LAMA2: variants seen among roughly 807,000 people sequenced by gnomAD.
LAMA2 encodes the protein laminin subunit alpha 2.
Under a neutral mutation model 364.8 loss-of-function variants are expected in LAMA2, and 269 were observed. The ratio of observed to expected loss-of-function variants is 0.74; its 90% CI spans 0.67 to 0.82. The LOEUF is 0.82. Among genes scored for constraint, LAMA2 ranks in the 40% least tolerant of loss-of-function variants. The pLI, the probability that LAMA2 is intolerant of heterozygous loss-of-function variation, is 0.00. For missense variants in LAMA2, 3,807 were observed against 3,873.2 expected (o/e 0.98, Z 0.45); for synonymous variants, 1,379 against 1,370.6 (o/e 1.01, Z -0.14).
At chr6:129,397,991 G>T (rs1345621297) in intron 37 of LAMA2, among the ~76,000 whole-genome samples, 1 of 150,202 alleles carries the variant, frequency 6.7e-6, no homozygotes, top group African/African-American at 2.5e-5. Flanking sequence ...CATCATTTCT[G>T]ATTGAGTATG....
chr6:129,393,404 G>C (rs1779432163), intron 37 of LAMA2, 149 bp downstream of exon 37: 6 of 671,578 alleles, frequency 8.9e-6, no homozygotes, highest in Non-Finnish European at 1.6e-5. Context: ...AACAGAACAA[G>C]AAATGACTTT....
chr6:129,224,967 C>CT (rs1784143957), intron 12 of LAMA2, among the ~76,000 whole-genome samples: 1 of 151,926 alleles, frequency 6.6e-6, no homozygotes, highest in African/African-American at 2.4e-5. Flanking sequence ...TGGTCCTGGA[C>CT]TTTTTTTGGT....
chr6:128,883,206 C>A lies in LAMA2; in HGVS notation c.-40C>A. 1.3e-6 allele frequency: 2 copies of A among 1,542,532 alleles called. No individual in the cohort carries two copies. The highest frequency in any genetic ancestry group is 1.7e-6 in the Non-Finnish European group (2 of 1,144,126). ...CCAGGGGACAGGGCGGCAGCGACTC[C>A]TCTGGCTCCCGAGAAGTGGATCCGG... On this transcript the variant is annotated 5_prime_UTR_variant, in exon 1 of 65. Coordinates refer to ENST00000421865, the MANE Select transcript of LAMA2 (RefSeq NM_000426.4).
chr6:129,441,673 G>A (rs139500684), intron 43 of LAMA2, among the ~76,000 whole-genome samples: 21 of 151,798 alleles, frequency 1.4e-4, no homozygotes, highest in East Asian at 5.8e-4. Context: ...TTCCTTTTCC[G>A]TCAAATGATA....
chr6:129,459,264 A>G (rs1783123449), intron 48 of LAMA2, among the ~76,000 whole-genome samples: 1 of 152,130 alleles, frequency 6.6e-6, no homozygotes, highest in Non-Finnish European at 1.5e-5. Flanking sequence ...TACAGTAAAA[A>G]TACAGTATTA....
At chr6:129,502,557 T>C in intron 58 of LAMA2, 102 bp from the exon 59 acceptor site, 1 of 791,532 alleles carries the variant, frequency 1.3e-6, no homozygotes, top group South Asian at 1.4e-5. Flanking sequence ...GTTTTTATTC[T>C]TAAAGAATTA....
Position 129,492,043 on chromosome 6 carries a change from G to C in LAMA2, c.8041G>C (p.Glu2681Gln), listed in dbSNP as rs2114859864. Residue 2681 changes from glutamate (E) to glutamine (Q), a missense_variant, in exon 57 of 65, where the codon GAA becomes CAA. Physicochemically the swap from Glu to Gln is conservative, Grantham distance 29. Transcript: ENST00000421865. Reference protein sequence around the residue: ...PSPLRNIPPFEGCIWNLVINS... With the variant: ...PSPLRNIPPFQGCIWNLVINS... Reference sequence around the variant, plus strand: ...CCCACTCAGAAATATTCCTCCTTTTGAAGGCTGCATATGGAATCTTGTTAT... The same window carrying C: ...CCCACTCAGAAATATTCCTCCTTTTCAAGGCTGCATATGGAATCTTGTTAT... 3 of 1,614,040 alleles carry C rather than the reference G, an allele frequency of 1.9e-6. No individual in the cohort carries two copies. The highest frequency in any genetic ancestry group is 2.5e-6 in the Non-Finnish European group (3 of 1,179,938).
At chr6:128,986,710 C>G (rs1783260502) in intron 1 of LAMA2, among the ~76,000 whole-genome samples, 3 of 151,950 alleles carry the variant, frequency 2.0e-5, no homozygotes, top group African/African-American at 4.8e-5. Flanking sequence ...CACTAGGCAT[C>G]TACAATCAAA....
intron 35 of LAMA2, among the ~76,000 whole-genome samples, chr6:129,383,450 T>C (rs546768733): frequency 1.3e-5 from 2 of 152,294 alleles, no homozygotes; most frequent in East Asian, 3.9e-4. Flanking sequence ...TTAGCGACAA[T>C]GAGGGCAGAA....
At chr6:128,948,975 A>G (rs1056620394) in intron 1 of LAMA2, among the ~76,000 whole-genome samples, 1 of 152,218 alleles carries the variant, frequency 6.6e-6, no homozygotes, top group Non-Finnish European at 1.5e-5. Flanking sequence ...AAGCAGTGCA[A>G]AAAATGGCTT....
intron 1 of LAMA2, among the ~76,000 whole-genome samples, chr6:128,915,849 C>T (rs1481512736): frequency 2.0e-5 from 3 of 151,884 alleles, no homozygotes; most frequent in Admixed American, 2.0e-4. Context: ...TGAAAACAAC[C>T]GTGGGGGAAT....
At position 129,492,453 on chromosome 6, in the gene LAMA2, C is replaced by G; in HGVS notation, c.8214C>G (p.Ala2738=). 6.2e-7 allele frequency: 1 copy of G among 1,614,102 alleles called. No homozygotes were observed. The highest frequency in any genetic ancestry group is 8.5e-7 in the Non-Finnish European group (1 of 1,179,964). Residue 2738 remains alanine, a synonymous_variant, in exon 58 of 65, where the codon GCC becomes GCG. Coordinates refer to ENST00000421865, the MANE Select transcript of LAMA2 (RefSeq NM_000426.4). ...VIQPEPVPTP[A]FPTPTPVLTH... Reference sequence around the variant, plus strand: ...AGCCTGAGCCAGTTCCCACCCCAGCCTTTCCTACGCCCACCCCAGTTCTGA... The same window carrying G: ...AGCCTGAGCCAGTTCCCACCCCAGCGTTTCCTACGCCCACCCCAGTTCTGA...
At chr6:129,449,277 T>G (rs73775422) in intron 45 of LAMA2, among the ~76,000 whole-genome samples, 22,440 of 152,044 alleles carry the variant, frequency 0.15, 1,768 homozygotes, top group East Asian at 0.21. Context: ...ATAAAGAAAA[T>G]AAATTTATTC....
intron 1 of LAMA2, among the ~76,000 whole-genome samples, chr6:129,026,473 A>G (rs2114724915): frequency 6.6e-6 from 1 of 152,302 alleles, no homozygotes; most frequent in African/African-American, 2.4e-5. Flanking sequence ...AGAAGTTCTA[A>G]GAATAAAGCA....
intron 53 of LAMA2, among the ~76,000 whole-genome samples, chr6:129,478,321 A>G (rs1252286607): frequency 1.3e-5 from 2 of 152,170 alleles, no homozygotes; most frequent in Admixed American, 1.3e-4. Flanking sequence ...ACTTTTTGGT[A>G]TATAGTTTGT....
chr6:128,885,647 G>A (rs1385189353), intron 1 of LAMA2, among the ~76,000 whole-genome samples: 1 of 152,124 alleles, frequency 6.6e-6, no homozygotes, highest in Non-Finnish European at 1.5e-5. Context: ...ACCTTTCTAG[G>A]CAAGCGCTAA....
chr6:129,348,196 A>G (rs141117505), intron 30 of LAMA2, among the ~76,000 whole-genome samples: 69 of 152,354 alleles, frequency 4.5e-4, no homozygotes, highest in African/African-American at 1.6e-3. Context: ...GTTTGTGAGT[A>G]GTAGATCAAT....
At chr6:129,263,204 A>G (rs539690812) in intron 15 of LAMA2, among the ~76,000 whole-genome samples, 6 of 152,176 alleles carry the variant, frequency 3.9e-5, no homozygotes, top group Non-Finnish European at 8.8e-5. Context: ...GAGACAAACA[A>G]GACCCTACAC....
intron 1 of LAMA2, among the ~76,000 whole-genome samples, chr6:128,918,113 A>G (rs1482373391): frequency 6.6e-6 from 1 of 152,144 alleles, no homozygotes; most frequent in Non-Finnish European, 1.5e-5. Context: ...GGGTTAATCA[A>G]GAGTGATGGA....
Sources: gnomAD v4.1 joint callset for allele counts (sites outside exome capture counted in the v4.1 genomes callset) on GRCh38, gnomAD v4.1.1 for gene constraint, MANE v1.5 for transcripts, NCBI Gene and HGNC (gene_info 2026-07-23, HGNC 2026-07-21) for gene names.